Variants in TDRD5 observed in about 807,000 individuals in gnomAD.
TDRD5 encodes tudor domain containing 5, also known as tudor domain-containing protein 5.
A neutral mutation model predicts 120.6 loss-of-function variants in TDRD5; 41 were observed. That is an observed-to-expected ratio of 0.34 (90% confidence interval 0.26 to 0.44). The LOEUF is 0.44. Ranked by LOEUF, TDRD5 falls within the 20% of genes least tolerant of loss-of-function variation. The pLI is 1.00. For synonymous variants in TDRD5, 430 were observed against 433.7 expected, an observed-to-expected ratio of 0.99 and a Z score of 0.11; for missense variants, 1,006 against 1,221.2, an observed-to-expected ratio of 0.82 and a Z score of 2.63.
At chr1:179,637,890 T>C (rs146314201) in intron 9 of TDRD5, among the ~76,000 whole-genome samples, 2 of 152,232 alleles carry the variant, frequency 1.3e-5, no homozygotes, top group South Asian at 2.1e-4. Flanking sequence ...CTGGGCAAGG[T>C]TGAGGAAAGC....
rs1300579910 is a variant in TDRD5 at position 179,595,609 on chromosome 1, C to T, written c.641-19C>T. 7 of 1,528,574 alleles carry T rather than the reference C, an allele frequency of 4.6e-6. No individual in the cohort carries two copies. Among genetic ancestry groups the T allele is most frequent in the Non-Finnish European group, 4.4e-6 (5 of 1,139,214 alleles). 94.7% of individuals were successfully genotyped at this position (1,528,574 alleles called of 1,614,324 possible). On this transcript the variant is annotated intron_variant, in intron 3 of 17. Coordinates refer to ENST00000444136, the MANE Select transcript of TDRD5 (RefSeq NM_001199085.3). ...TTGCTAGTGACAATTTTTCTTTCTT[C>T]TTCTATTACTCACAAAAGGTAAAAT...
intron 6 of TDRD5, among the ~76,000 whole-genome samples, chr1:179,625,687 TATATG>T (rs1372254668): frequency 6.6e-6 from 1 of 152,326 alleles, no homozygotes; most frequent in African/African-American, 2.4e-5. Flanking sequence ...CTCAAAGACT[TATATG>T]ATAGTATTCA....
intron 4 of TDRD5, among the ~76,000 whole-genome samples, chr1:179,612,189 ATAT>A (rs899215748): frequency 3.9e-5 from 6 of 152,172 alleles, no homozygotes; most frequent in African/African-American, 1.4e-4. Context: ...TCACAAGAAA[ATAT>A]TATTAAAATG....
At chr1:179,636,320 G>A (rs1253462729) in intron 9 of TDRD5, among the ~76,000 whole-genome samples, 1 of 152,056 alleles carries the variant, frequency 6.6e-6, no homozygotes, top group East Asian at 1.9e-4. Flanking sequence ...ATTCTTTTTT[G>A]ATAGTATGCT....
At position 179,662,146 on chromosome 1, in the gene TDRD5, A is replaced by G; in HGVS notation, c.2365A>G (p.Ile789Val). ...AATGCCATGCCTGGAGTCAGTGACC[A>G]TAGGTGATGATATTTGGGATGAGAA... Reference protein sequence around the residue: ...TGMPCLESVTIGDDIWDENWL... With the variant: ...TGMPCLESVTVGDDIWDENWL... The change falls in exon 15 of 18, where the codon ATA (isoleucine) becomes GTA (valine). Residue 789 changes from isoleucine (I) to valine (V), a missense_variant. Ile to Val is a conservative substitution (Grantham distance 29). Coordinates refer to ENST00000444136, the MANE Select transcript of TDRD5 (RefSeq NM_001199085.3). 3 of 1,607,536 alleles carry G rather than the reference A, an allele frequency of 1.9e-6. No individual in the cohort carries two copies. Among genetic ancestry groups the G allele is most frequent in the Non-Finnish European group, 2.5e-6 (3 of 1,177,622 alleles).
At chr1:179,593,351 T>G in intron 2 of TDRD5, 109 bp from the exon 3 acceptor site, 1 of 1,225,886 alleles carries the variant, frequency 8.2e-7, no homozygotes, top group Non-Finnish European at 1.1e-6. Flanking sequence ...TCGTGCTGCC[T>G]GGATAAACAG....
At chr1:179,636,230 G>A (rs1159620286) in intron 9 of TDRD5, among the ~76,000 whole-genome samples, 3 of 152,128 alleles carry the variant, frequency 2.0e-5, no homozygotes, top group South Asian at 4.1e-4. Flanking sequence ...TTTGGTTGAA[G>A]TATCTGAAGA....
intron 4 of TDRD5, among the ~76,000 whole-genome samples, chr1:179,597,332 C>CTTTTTTTTTTTTTT (rs945509784): frequency 6.8e-4 from 85 of 125,534 alleles, no homozygotes; most frequent in Non-Finnish European, 9.7e-4. Flanking sequence ...TTCTTTTTTT[C>CTTTTTTTTTTTTTT]TTTTTTTTTT....
intron 3 of TDRD5, 144 bp from the exon 4 acceptor site, chr1:179,595,484 G>A (rs7520266): frequency 0.07 from 44,869 of 641,536 alleles, 1,951 homozygotes; most frequent in African/African-American, 0.14. Flanking sequence ...TTGGCTTGAT[G>A]TAAAAATGTC....
At position 179,654,318 on chromosome 1, in the gene TDRD5, A is replaced by G. The variant is rs1346319797; in HGVS notation, c.2278A>G (p.Lys760Glu). 6.5e-7 allele frequency: 1 copy of G among 1,549,618 alleles called. No individual in the cohort carries two copies. Among genetic ancestry groups the G allele is most frequent in the Non-Finnish European group, 8.7e-7 (1 of 1,146,444 alleles). ...TAATAAGAGCTTTGAAGAAGATCCA[A>G]AGTGGTCCAACCCAGAACCAAACGA... ...TCNKSFEEDP[K>E]WSNPEPNDLK... Residue 760 changes from lysine to glutamate, a missense_variant, in exon 14 of 18, where the codon AAG (lysine) becomes GAG (glutamate). Around this residue, in one of 3 missense-constraint regions of TDRD5, gnomAD observed 403 missense variants for 448.1 expected, o/e 0.90. Coordinates refer to ENST00000444136, the MANE Select transcript of TDRD5 (RefSeq NM_001199085.3).
At chr1:179,616,067 C>A (rs1676550114) in intron 4 of TDRD5, among the ~76,000 whole-genome samples, 1 of 151,972 alleles carries the variant, frequency 6.6e-6, no homozygotes, top group Non-Finnish European at 1.5e-5. Flanking sequence ...ATACCTTTTC[C>A]CACAGCCATT....
intron 17 of TDRD5, among the ~76,000 whole-genome samples, chr1:179,670,551 C>T (rs1313548716): frequency 6.6e-6 from 1 of 152,200 alleles, no homozygotes; most frequent in African/African-American, 2.4e-5. Flanking sequence ...TCCAAGCACT[C>T]CACATCCTTG....
chr1:179,650,836 A>C, intron 11 of TDRD5, 31 bp from the exon 12 acceptor site: 5 of 1,606,108 alleles, frequency 3.1e-6, no homozygotes, highest in Non-Finnish European at 4.3e-6. Flanking sequence ...TAGATCTATC[A>C]CCTGAATCCA....
chr1:179,603,672 T>A lies in TDRD5; in HGVS notation c.831+7854T>A, dbSNP rs1572333728. 2.0e-5 allele frequency among the ~76,000 whole-genome samples: 3 copies of A among 152,220 alleles called. No individual in the cohort carries two copies. In the South Asian group the frequency reaches 6.2e-4, roughly 31 times the overall value. On this transcript the variant is annotated intron_variant, in intron 4 of 17. Transcript: ENST00000444136. ...TTTTTAATTCTGTTTATGTGGTGTATCACATTTATTGACTTGCATATGTTA... is the reference window on the plus strand; with the variant it reads ...TTTTTAATTCTGTTTATGTGGTGTAACACATTTATTGACTTGCATATGTTA...
At chr1:179,677,357 A>T (rs896746809) in intron 17 of TDRD5, among the ~76,000 whole-genome samples, 18 of 152,054 alleles carry the variant, frequency 1.2e-4, no homozygotes, top group African/African-American at 4.1e-4. Context: ...CTGGCAATTC[A>T]GAGATTTCAT....
intron 6 of TDRD5, among the ~76,000 whole-genome samples, chr1:179,625,823 A>G (rs1425717245): frequency 1.3e-5 from 2 of 152,240 alleles, no homozygotes; most frequent in East Asian, 3.8e-4. Flanking sequence ...ACATATGTCC[A>G]ACAATGATAG....
intron 11 of TDRD5, among the ~76,000 whole-genome samples, chr1:179,642,316 T>G (rs1572387480): frequency 6.6e-6 from 1 of 152,012 alleles, no homozygotes; most frequent in Non-Finnish European, 1.5e-5. Context: ...GCCAGGCTGG[T>G]CTCTATCTCT....
At chr1:179,687,233 G>T (rs941986719) in intron 17 of TDRD5, among the ~76,000 whole-genome samples, 1 of 152,162 alleles carries the variant, frequency 6.6e-6, no homozygotes, top group Non-Finnish European at 1.5e-5. Flanking sequence ...AGAGATTCTG[G>T]TATGTTGTGT....
At chr1:179,639,361 A>G (rs1677920081) in intron 9 of TDRD5, among the ~76,000 whole-genome samples, 1 of 152,206 alleles carries the variant, frequency 6.6e-6, no homozygotes, top group African/African-American at 2.4e-5. Flanking sequence ...AGTGAATCTC[A>G]ACATTTAAGG....
Sources: gnomAD v4.1 joint callset for allele counts (sites outside exome capture counted in the v4.1 genomes callset) on GRCh38, gnomAD v4.1.1 for gene constraint, gnomAD v4.1.1 regional missense constraint, MANE v1.5 for transcripts, NCBI Gene and HGNC (gene_info 2026-07-23, HGNC 2026-07-21) for gene names.